Variants in IREB2 observed in about 807,000 individuals in gnomAD.
The protein encoded by IREB2 is iron-responsive element-binding protein 2.
A neutral mutation model predicts 118.8 loss-of-function variants in IREB2; 39 were observed. The ratio of observed to expected loss-of-function variants is 0.33; its 90% CI spans 0.25 to 0.43. The LOEUF (loss-of-function observed/expected upper bound fraction) is 0.43, where lower values mean the gene tolerates loss of function less well. Ranked by LOEUF, IREB2 falls within the 20% of genes least tolerant of loss-of-function variation. The probability of loss-of-function intolerance (pLI) is 1.00; values close to 1 mark genes in which losing one functional copy is unlikely to be tolerated. For missense variants in IREB2, 900 were observed against 1,147.3 expected, an observed-to-expected ratio of 0.78 and a Z score of 3.11; for synonymous variants, 372 against 392.2, an observed-to-expected ratio of 0.95 and a Z score of 0.61.
chr15:78,475,037 G>A (rs2051443873), intron 8 of IREB2: 2 of 137,314 alleles, frequency 1.5e-5, no homozygotes, highest in South Asian at 2.3e-4. Flanking sequence ...AGTCCGGCCT[G>A]GGCGACAGAG....
Position 78,501,318 on chromosome 15 carries a change from C to T in IREB2, c.*3175C>T, listed in dbSNP as rs3417. On this transcript the variant is annotated 3_prime_UTR_variant, in exon 22 of 22. Transcript: ENST00000258886. ...TGTCTATTATTTAAAGCCAACAAAA[C>T]AGTGTAACAGTTTTAAGTTCAATAA... The T allele has an allele frequency of 5.2e-5, 8 of 152,460 alleles. No individual in the cohort carries two copies. The highest frequency in any genetic ancestry group is 1.2e-4 in the Non-Finnish European group (8 of 68,024). 9.4% of individuals were successfully genotyped at this position (152,460 alleles called of 1,614,324 possible).
intron 21 of IREB2, 95 bp from the exon 22 acceptor site, chr15:78,497,938 G>A (rs1015597768): frequency 1.5e-6 from 1 of 680,924 alleles, no homozygotes; most frequent in Non-Finnish European, 2.6e-6. Context: ...TCTGTGGCAA[G>A]TATAGTCATT....
intron 2 of IREB2, among the ~76,000 whole-genome samples, chr15:78,451,055 C>G (rs979289515): frequency 2.6e-4 from 40 of 152,082 alleles, no homozygotes; most frequent in African/African-American, 9.7e-4. Flanking sequence ...ACCTCCATCT[C>G]TTAGGTTCAA....
At position 78,445,485 on chromosome 15, in the gene IREB2, A is replaced by G. The variant is rs552927351; in HGVS notation, c.106+5604A>G. Among the ~76,000 whole-genome samples, 10 of 152,370 alleles carry G rather than the reference A, an allele frequency of 6.6e-5. No individual in the cohort carries two copies. The East Asian group carries it at 1.9e-3, about 29-fold the overall frequency. ...ACTAAAAAGAACAAAAACTCACTCAAGTAAAAAATAGGTTGCAGTTTCCAG... is the reference window on the plus strand; with the variant it reads ...ACTAAAAAGAACAAAAACTCACTCAGGTAAAAAATAGGTTGCAGTTTCCAG... On this transcript the variant is annotated intron_variant, in intron 2 of 21. Coordinates refer to ENST00000258886, the MANE Select transcript of IREB2 (RefSeq NM_004136.4).
Position 78,470,586 on chromosome 15 carries a change from G to A in IREB2, c.684G>A (p.Arg228=), listed in dbSNP as rs1457928310. ...TAGAATTCGGCAGAAATCGAGAGAG[G>A]CTTCAGTTTTTTAAGGTATAAATGA... ...QEVEFGRNRE[R]LQFFKWSSRV... The change falls in exon 6 of 22, where the codon AGG becomes AGA. Residue 228 remains arginine, a synonymous_variant. Transcript: ENST00000258886. The A allele has an allele frequency of 9.5e-6, 15 of 1,584,876 alleles. No individual in the cohort carries two copies. The highest frequency in any genetic ancestry group is 5.4e-5 in the African/African-American group (4 of 74,386).
chr15:78,477,612 C>A (rs982718459), intron 9 of IREB2, among the ~76,000 whole-genome samples: 9 of 152,084 alleles, frequency 5.9e-5, no homozygotes, highest in African/African-American at 2.2e-4. Context: ...ATCCTTACCC[C>A]CAAAGATTTC....
chr15:78,481,410 C>T (rs2051568733), intron 10 of IREB2, among the ~76,000 whole-genome samples: 1 of 151,826 alleles, frequency 6.6e-6, no homozygotes, highest in Non-Finnish European at 1.5e-5. Flanking sequence ...GGCTGGAGTG[C>T]AGTGACACGA....
intron 5 of IREB2, among the ~76,000 whole-genome samples, chr15:78,469,831 A>G (rs1257175990): frequency 6.6e-6 from 1 of 152,252 alleles, no homozygotes; most frequent in African/African-American, 2.4e-5. Flanking sequence ...GTCAACACCC[A>G]GTCACCAGCT....
chr15:78,462,797 A>C, intron 2 of IREB2, 125 bp from the exon 3 acceptor site: 3 of 685,474 alleles, frequency 4.4e-6, no homozygotes, highest in Non-Finnish European at 7.1e-6. Context: ...TCAGACTAAA[A>C]ATGAATTGTT....
chr15:78,465,709 G>C (rs903073749), intron 4 of IREB2, among the ~76,000 whole-genome samples: 4 of 152,070 alleles, frequency 2.6e-5, no homozygotes, highest in Non-Finnish European at 4.4e-5. Context: ...AAAGATGTGA[G>C]TCATGAATGT....
chr15:78,482,535 C>A (rs1825321595), intron 10 of IREB2, among the ~76,000 whole-genome samples: 1 of 152,164 alleles, frequency 6.6e-6, no homozygotes, highest in African/African-American at 2.4e-5. Flanking sequence ...CCCTTCAGCA[C>A]CCTCTAGTGA....
At chr15:78,461,777 A>T (rs2051201567) in intron 2 of IREB2, among the ~76,000 whole-genome samples, 1 of 152,166 alleles carries the variant, frequency 6.6e-6, no homozygotes, top group Non-Finnish European at 1.5e-5. Context: ...CTGATTTTAT[A>T]CTTCTGTGCT....
In IREB2 at chr15:78,463,008, A is replaced by G; in HGVS notation, c.193A>G (p.Asn65Asp). Residue 65 changes from asparagine (N) to aspartate (D), a missense_variant, in exon 3 of 22, where the codon AAC (asparagine) becomes GAC (aspartate). Physicochemically the swap from Asn to Asp is conservative, Grantham distance 23. Transcript: ENST00000258886. ...GFLMKKEDVM[N>D]ILDWKTKQSN... Reference sequence around the variant, plus strand: ...TTTAATGAAGAAGGAAGATGTTATGAACATTTTAGACTGGAAAACCAAACA... The same window carrying G: ...TTTAATGAAGAAGGAAGATGTTATGGACATTTTAGACTGGAAAACCAAACA... The G allele has an allele frequency of 6.2e-7, 1 of 1,613,664 alleles. No homozygotes were observed. The highest frequency in any genetic ancestry group is 8.5e-7 in the Non-Finnish European group (1 of 1,179,830).
At chr15:78,438,783 C>T (rs1483041192) in intron 1 of IREB2, 8 of 245,000 alleles carry the variant, frequency 3.3e-5, no homozygotes, top group South Asian at 2.5e-4. Context: ...GTTGATTCCA[C>T]GGTCCAGCCT....
rs1392078759 is a variant in IREB2, at chr15:78,497,176, T to G, written c.2646T>G (p.His882Gln). ...AESYEKIHKD[H>Q]LIGIGIAPLQ... ...GTTATGAAAAAATACACAAAGATCA[T>G]TTGATTGGAATTGGCATAGCTCCAC... The change falls in exon 21 of 22, where the codon CAT becomes CAG. Residue 882 changes from histidine to glutamine, a missense_variant. His to Gln is a conservative substitution (Grantham distance 24). Coordinates refer to ENST00000258886, the MANE Select transcript of IREB2 (RefSeq NM_004136.4). 31 of 1,613,926 alleles carry G rather than the reference T, an allele frequency of 1.9e-5. No homozygotes were observed. Among genetic ancestry groups the G allele is most frequent in the Non-Finnish European group, 2.5e-5 (29 of 1,179,852 alleles).
In IREB2 at chr15:78,501,158, G is replaced by T. The variant is rs2051938238; in HGVS notation, c.*3015G>T. ...AGAGGGTGGACTTTGGCTTTTCAGT[G>T]TTTTTTCCCCTAAAGAGTGATATTG... is the stretch of plus-strand genomic sequence containing the variant. On this transcript the variant is annotated 3_prime_UTR_variant, in exon 22 of 22. Coordinates refer to ENST00000258886, the MANE Select transcript of IREB2 (RefSeq NM_004136.4). 6.6e-6 allele frequency: 1 copy of T among 152,128 alleles called. No individual in the cohort carries two copies. The highest frequency in any genetic ancestry group is 1.5e-5 in the Non-Finnish European group (1 of 68,008). The allele number at this position is 152,128 out of a possible 1,614,324, so 9.4% of individuals were successfully genotyped here.
intron 2 of IREB2, among the ~76,000 whole-genome samples, 172 bp from the exon 3 acceptor site, chr15:78,462,750 C>T (rs1595994047): frequency 1.3e-5 from 2 of 152,098 alleles, no homozygotes; most frequent in South Asian, 2.1e-4. Context: ...TTACAAAACA[C>T]CTGATGTTAA....
At chr15:78,459,612 A>C (rs2051164313) in intron 2 of IREB2, among the ~76,000 whole-genome samples, 1 of 152,150 alleles carries the variant, frequency 6.6e-6, no homozygotes, top group African/African-American at 2.4e-5. Context: ...GGCCTCCCAA[A>C]ATTTTGCGAT....
At position 78,490,646 on chromosome 15, in the gene IREB2, A is replaced by T. The variant is rs1258459751; in HGVS notation, c.2209A>T (p.Ile737Phe). The change falls in exon 18 of 22, where the codon ATT becomes TTT. Residue 737 changes from isoleucine (I) to phenylalanine (F), a missense_variant. By Grantham distance (21) the Ile-to-Phe change is conservative (BLOSUM62 0). Transcript: ENST00000258886. ...CAAAGAGCCAATTGCACTCCAGGCT[A>T]TTGAAAATGCCCATGTCTTATTATA... ...LTKEPIALQA[I>F]ENAHVLLYLG... 5 of 1,614,044 alleles carry T rather than the reference A, an allele frequency of 3.1e-6. No individual in the cohort carries two copies. Among genetic ancestry groups the T allele is most frequent in the Non-Finnish European group, 4.2e-6 (5 of 1,180,018 alleles).
Sources: gnomAD v4.1 joint callset for allele counts (sites outside exome capture counted in the v4.1 genomes callset) on GRCh38, gnomAD v4.1.1 for gene constraint, MANE v1.5 for transcripts, NCBI Gene and HGNC (gene_info 2026-07-23, HGNC 2026-07-21) for gene names.